CELF2: variants seen among roughly 807,000 people sequenced by gnomAD.
The protein encoded by CELF2 is CUGBP Elav-like family member 2.
Under a neutral mutation model 62.6 loss-of-function variants are expected in CELF2, and 8 were observed. That is an observed-to-expected ratio of 0.13 (90% CI 0.07 to 0.23). The LOEUF is 0.23. Ranked by LOEUF, CELF2 falls within the 10% of genes least tolerant of loss-of-function variation. The pLI is 1.00. For missense variants in CELF2, 333 were observed against 671.0 expected (o/e 0.50, Z 5.56); for synonymous variants, 258 against 250.0 (o/e 1.03, Z -0.30).
chr10:10,683,840 T>C, the CELF2 span, among the ~76,000 whole-genome samples: 1 of 152,210 alleles, frequency 6.6e-6, no homozygotes, highest in Non-Finnish European at 1.5e-5. Context: ...ATTTAGATTC[T>C]TTAAAACCCT....
intron 2 of CELF2, among the ~76,000 whole-genome samples, chr10:10,985,559 T>C (rs574697897): frequency 1.1e-4 from 17 of 152,194 alleles, no homozygotes; most frequent in Non-Finnish European, 1.9e-4. Context: ...TTGGTAATCA[T>C]CTTTTACAAG....
chr10:10,498,044 T>G, the CELF2 span, among the ~76,000 whole-genome samples: 11 of 152,298 alleles, frequency 7.2e-5, no homozygotes, highest in African/African-American at 2.6e-4. Flanking sequence ...GCTCTAATTC[T>G]AGATCTATTT....
chr10:10,604,324 G>T, the CELF2 span, among the ~76,000 whole-genome samples: 1 of 152,164 alleles, frequency 6.6e-6, no homozygotes, highest in Non-Finnish European at 1.5e-5. Context: ...TGAATCAAAG[G>T]TTCTAGTCAA....
chr10:10,647,930 G>T, the CELF2 span, among the ~76,000 whole-genome samples: 1 of 152,162 alleles, frequency 6.6e-6, no homozygotes, highest in Non-Finnish European at 1.5e-5. Context: ...CCAATCCATT[G>T]TTACGGGAGA....
chr10:10,551,833 C>G, the CELF2 span, among the ~76,000 whole-genome samples: 5 of 152,268 alleles, frequency 3.3e-5, no homozygotes, highest in African/African-American at 1.2e-4. Flanking sequence ...TGACCCCTTC[C>G]TCTGTCATCC....
In CELF2 at chr10:10,934,073, G is replaced by T. The variant is rs1314587166; in HGVS notation, c.89+14074G>T. Among the ~76,000 whole-genome samples the T allele has an allele frequency of 6.6e-6, 1 of 152,150 alleles. No homozygotes were observed. Among genetic ancestry groups the T allele is most frequent in the African/African-American group, 2.4e-5 (1 of 41,410 alleles). ...ACATTCCCACAAACAGTATACAAGG[G>T]TTCCCTTTCTCCAATCAGTGCCAGC... On this transcript the variant is annotated intron_variant, in intron 2 of 13. Coordinates refer to the CELF2 transcript ENST00000636488. The surrounding 1 kb of genome is among the most constrained non-coding windows in gnomAD (Gnocchi z 4.4).
intron 1 of CELF2, among the ~76,000 whole-genome samples, chr10:11,071,031 G>A (rs1594594987): frequency 1.3e-5 from 2 of 152,202 alleles, no homozygotes; most frequent in Non-Finnish European, 2.9e-5. Context: ...GTGGTAGAGA[G>A]TAAAGACACA....
rs567035794 is a variant in CELF2, at chr10:10,995,013, G to A, written c.89+75014G>A. ...CAAAAGTCTCCCTGGTGATTCCAGC[G>A]CGCTCTTATCACCTGCCCTTCCTTG... On this transcript the variant is annotated intron_variant, in intron 2 of 13. Coordinates refer to the CELF2 transcript ENST00000636488. This position sits in a 1 kb window ranked among gnomAD's most constrained non-coding sequence, Gnocchi z 4.7. 3.5e-4 allele frequency among the ~76,000 whole-genome samples: 54 copies of A among 152,202 alleles called. No individual in the cohort carries two copies. Among genetic ancestry groups the A allele is most frequent in the South Asian group, 2.5e-3 (12 of 4,820 alleles).
chr10:11,295,464 C>T lies in CELF2; in HGVS notation c.976+6912C>T, dbSNP rs78212907. ...CATAACCAATATTTTGTATATCTTA[C>T]GTTAAATTTTGTGAATGAGACCAAG... On this transcript the variant is annotated intron_variant, in intron 9 of 12. Coordinates refer to ENST00000633077, the MANE Select transcript of CELF2 (RefSeq NM_001326342.2). Among the ~76,000 whole-genome samples, 43 of 152,288 alleles carry T rather than the reference C, an allele frequency of 2.8e-4. No individual in the cohort carries two copies. In the East Asian group the frequency reaches 6.8e-3, roughly 24 times the overall value.
intron 1 of CELF2, among the ~76,000 whole-genome samples, chr10:11,043,530 G>A (rs1241866419): frequency 2.0e-5 from 3 of 152,010 alleles, no homozygotes; most frequent in African/African-American, 7.3e-5. Context: ...CTTTCTACTT[G>A]GATGCCTACA....
the CELF2 span, among the ~76,000 whole-genome samples, chr10:10,578,375 G>A: frequency 0.11 from 16,167 of 152,024 alleles, 1,020 homozygotes; most frequent in Non-Finnish European, 0.15. Flanking sequence ...ATTAGATCCT[G>A]TTTGTCAATT....
intron 1 of CELF2, among the ~76,000 whole-genome samples, chr10:11,108,356 G>T (rs72638757): frequency 0.55 from 81,805 of 149,064 alleles, 23,052 homozygotes; most frequent in East Asian, 0.8. Flanking sequence ...CTGTTTTTTT[G>T]TTTGTTTTTT....
At chr10:11,283,491 GGTGA>G (rs1389692556) in intron 8 of CELF2, among the ~76,000 whole-genome samples, 1 of 152,124 alleles carries the variant, frequency 6.6e-6, no homozygotes, top group African/African-American at 2.4e-5. Context: ...GTAGATGATG[GGTGA>G]GTGAGTGGGT....
intron 1 of CELF2, among the ~76,000 whole-genome samples, chr10:10,851,869 A>G (rs2059404162): frequency 6.6e-6 from 1 of 152,224 alleles, no homozygotes; most frequent in Admixed American, 6.5e-5. Context: ...AGCATAAGTC[A>G]TTACAGAAAT....
intron 11 of CELF2, among the ~76,000 whole-genome samples, chr10:11,323,457 T>TAATAATAAC (rs2095557601): frequency 6.7e-6 from 1 of 149,218 alleles, no homozygotes; most frequent in African/African-American, 2.5e-5. Flanking sequence ...ATAATAATAA[T>TAATAATAAC]AATAATGAAT....
intron 1 of CELF2, among the ~76,000 whole-genome samples, chr10:11,106,486 C>G (rs1199589053): frequency 1.3e-5 from 2 of 152,194 alleles, no homozygotes; most frequent in African/African-American, 4.8e-5. Context: ...ATCTGCCCTC[C>G]TCAGCCTCCC....
At chr10:11,091,996 C>T (rs575116778) in intron 1 of CELF2, among the ~76,000 whole-genome samples, 2 of 152,256 alleles carry the variant, frequency 1.3e-5, no homozygotes, top group South Asian at 2.1e-4. Flanking sequence ...TATCCTAGAA[C>T]GTAATAAAAC....
At chr10:10,904,382 A>T (rs1377335857) in intron 1 of CELF2, among the ~76,000 whole-genome samples, 2 of 151,940 alleles carry the variant, frequency 1.3e-5, no homozygotes, top group African/African-American at 4.8e-5. Context: ...ATGTGTCACC[A>T]TGCCTGATAA....
chr10:10,602,109 T>G, the CELF2 span, among the ~76,000 whole-genome samples: 1 of 152,212 alleles, frequency 6.6e-6, no homozygotes, highest in Admixed American at 6.5e-5. Context: ...ATGGTGTATA[T>G]GTACAACATT....
Sources: allele counts gnomAD v4.1 joint callset (sites outside exome capture counted in the v4.1 genomes callset), GRCh38; gene constraint gnomAD v4.1.1; non-coding constraint Gnocchi (gnomAD v3.1); transcripts MANE v1.5; gene names NCBI Gene and HGNC (gene_info 2026-07-23, HGNC 2026-07-21).